Variants in RARB observed in about 807,000 individuals in gnomAD.
The protein encoded by RARB is HBV-activated protein.
A neutral mutation model predicts 51.9 loss-of-function variants in RARB; 17 were observed. The ratio of observed to expected loss-of-function variants is 0.33; its 90% confidence interval spans 0.22 to 0.49. The LOEUF is 0.49. Ranked by LOEUF, RARB falls within the 20% of genes least tolerant of loss-of-function variation. The pLI is 0.99. For missense variants in RARB, 369 were observed against 550.8 expected, an observed-to-expected ratio of 0.67 and a Z score of 3.30; for synonymous variants, 215 against 195.4, an observed-to-expected ratio of 1.10 and a Z score of -0.84.
At chr3:25,152,263 CACTT>C (rs1258646888) in intron 4 of RARB, among the ~76,000 whole-genome samples, 3 of 151,846 alleles carry the variant, frequency 2.0e-5, no homozygotes, top group Admixed American at 1.3e-4. Flanking sequence ...GCTTTCAACT[CACTT>C]GTCTTTTTAT....
chr3:25,116,248 T>C (rs529053067), intron 3 of RARB, among the ~76,000 whole-genome samples: 164 of 152,284 alleles, frequency 1.1e-3, no homozygotes, highest in African/African-American at 3.7e-3. Context: ...CTTTCCCCTT[T>C]GCAAGTAATT....
chr3:25,593,720 T>C lies in RARB; in HGVS notation c.991+13T>C, dbSNP rs1701702503. On this transcript the variant is annotated intron_variant, in intron 6 of 7. Transcript: ENST00000330688. Reference sequence around the variant, plus strand: ...TTAATCTGTGGAGGTACCAACTATGTAGAAAAGCCTCATGAAATTCCATGA... The same window carrying C: ...TTAATCTGTGGAGGTACCAACTATGCAGAAAAGCCTCATGAAATTCCATGA... The C allele has an allele frequency of 1.2e-6, 2 of 1,606,662 alleles. No individual in the cohort carries two copies. The highest frequency in any genetic ancestry group is 2.2e-5 in the East Asian group (1 of 44,834).
At chr3:25,494,047 T>C (rs1250486650) in intron 2 of RARB, among the ~76,000 whole-genome samples, 1 of 152,180 alleles carries the variant, frequency 6.6e-6, no homozygotes, top group Non-Finnish European at 1.5e-5. Flanking sequence ...GTATTTGTAT[T>C]GATACCCAGA....
At chr3:25,214,648 C>G (rs755185226) in intron 5 of RARB, among the ~76,000 whole-genome samples, 25 of 152,146 alleles carry the variant, frequency 1.6e-4, no homozygotes, top group Admixed American at 5.9e-4. Flanking sequence ...GACTTCAGCA[C>G]TTGGGTGGAG....
At chr3:25,144,469 G>C (rs1171731018) in intron 4 of RARB, among the ~76,000 whole-genome samples, 1 of 152,114 alleles carries the variant, frequency 6.6e-6, no homozygotes, top group Admixed American at 6.5e-5. Flanking sequence ...CAAAGAACTA[G>C]AGACCCGTGT....
intron 5 of RARB, among the ~76,000 whole-genome samples, chr3:25,305,616 A>G (rs1307005830): frequency 1.3e-5 from 2 of 152,122 alleles, no homozygotes; most frequent in African/African-American, 4.8e-5. Context: ...CCCCTGCCCC[A>G]CAGATATCAG....
At chr3:25,222,467 G>A (rs1321831644) in intron 5 of RARB, among the ~76,000 whole-genome samples, 2 of 152,070 alleles carry the variant, frequency 1.3e-5, no homozygotes, top group African/African-American at 2.4e-5. Context: ...CAAAGTGCTT[G>A]TGGATTTCTA....
intron 2 of RARB, among the ~76,000 whole-genome samples, chr3:24,870,788 G>T (rs1045072434): frequency 2.0e-5 from 3 of 151,972 alleles, no homozygotes; most frequent in Admixed American, 6.6e-5. Flanking sequence ...TATAGGATGC[G>T]TGCAATGTTT....
At chr3:25,516,860 C>G (rs1240721430) in intron 3 of RARB, among the ~76,000 whole-genome samples, 4 of 152,108 alleles carry the variant, frequency 2.6e-5, no homozygotes, top group Non-Finnish European at 4.4e-5. Context: ...CACCTGGCCT[C>G]AAGTGATCCA....
intron 1 of RARB, among the ~76,000 whole-genome samples, chr3:25,444,965 T>C (rs1333335750): frequency 6.6e-6 from 1 of 152,154 alleles, no homozygotes; most frequent in East Asian, 1.9e-4. Context: ...TTCTTTTTTT[T>C]TGGAGACAGA....
intron 4 of RARB, among the ~76,000 whole-genome samples, chr3:25,575,117 A>G (rs1700872914): frequency 6.6e-6 from 1 of 152,182 alleles, no homozygotes; most frequent in African/African-American, 2.4e-5. Flanking sequence ...GCTTGGGGAT[A>G]GTTTCAGGAT....
intron 5 of RARB, among the ~76,000 whole-genome samples, chr3:25,418,463 A>T (rs1707767944): frequency 6.6e-6 from 1 of 152,198 alleles, no homozygotes; most frequent in Admixed American, 6.5e-5. Context: ...TGAAAAGAAT[A>T]AATGAGACTC....
At chr3:25,127,679 G>A (rs190368612) in intron 3 of RARB, among the ~76,000 whole-genome samples, 3 of 152,118 alleles carry the variant, frequency 2.0e-5, no homozygotes, top group African/African-American at 7.2e-5. Context: ...AAGAAACGAA[G>A]GAGCGAAGGA....
chr3:25,552,694 G>C (rs7609566), intron 3 of RARB, among the ~76,000 whole-genome samples: 8,867 of 152,108 alleles, frequency 0.058, 272 homozygotes, highest in African/African-American at 0.071. Flanking sequence ...TACTGCACCC[G>C]TCTAAAATGA....
intron 2 of RARB, among the ~76,000 whole-genome samples, chr3:25,497,484 CAA>C (rs953086206): frequency 2.1e-4 from 32 of 152,302 alleles, no homozygotes; most frequent in African/African-American, 7.5e-4. Context: ...AGAAACTCCC[CAA>C]GTCTCACTCT....
chr3:25,102,295 C>T (rs1023547284), intron 3 of RARB, among the ~76,000 whole-genome samples: 1 of 152,146 alleles, frequency 6.6e-6, no homozygotes, highest in African/African-American at 2.4e-5. Flanking sequence ...AATCCTAGCA[C>T]TTTGGGAAGC....
intron 2 of RARB, among the ~76,000 whole-genome samples, chr3:24,980,525 A>G (rs1170818941): frequency 6.6e-6 from 1 of 152,148 alleles, no homozygotes; most frequent in African/African-American, 2.4e-5. Flanking sequence ...TCAGTCGATC[A>G]AATTCGATCC....
At chr3:25,264,071 G>A (rs1703068887) in intron 5 of RARB, among the ~76,000 whole-genome samples, 1 of 151,396 alleles carries the variant, frequency 6.6e-6, no homozygotes, top group Non-Finnish European at 1.5e-5. Context: ...TAGTGGCAGG[G>A]TAAACTAATA....
At position 25,373,374 on chromosome 3, in the gene RARB, A is replaced by G. The variant is rs1260168482; in HGVS notation, c.179-87819A>G. 2.0e-5 allele frequency among the ~76,000 whole-genome samples: 3 copies of G among 152,092 alleles called. No homozygotes were observed. In the East Asian group the frequency reaches 5.8e-4, roughly 29 times the overall value. ...TGAGAAACCAACCCAGGAAATGAAG[A>G]AGGAGAATGCAGTGAGTGAGGAGGG... is the stretch of plus-strand genomic sequence containing the variant. On this transcript the variant is annotated intron_variant, in intron 5 of 11. Coordinates refer to the RARB transcript ENST00000383772.
Sources: allele counts gnomAD v4.1 joint callset (sites outside exome capture counted in the v4.1 genomes callset), GRCh38; gene constraint gnomAD v4.1.1; transcripts MANE v1.5; gene names NCBI Gene and HGNC (gene_info 2026-07-23, HGNC 2026-07-21).